Variants in AGTR1 observed in about 807,000 individuals in gnomAD.
AGTR1 encodes the protein type-1 angiotensin II receptor.
Under a neutral mutation model 19.4 loss-of-function variants are expected in AGTR1, and 16 were observed. The observed-to-expected ratio is 0.82, with a 90% CI of 0.56 to 1.25. The LOEUF is 1.25. Among genes scored for constraint, AGTR1 ranks in the 50% most tolerant of loss-of-function variants. AGTR1 has a pLI of 0.00. For missense variants in AGTR1, 373 were observed against 431.9 expected, an observed-to-expected ratio of 0.86 and a Z score of 1.21; for synonymous variants, 153 against 154.9, an observed-to-expected ratio of 0.99 and a Z score of 0.09.
intron 2 of AGTR1, among the ~76,000 whole-genome samples, chr3:148,736,836 A>G (rs1370065341): frequency 6.6e-6 from 1 of 152,228 alleles, no homozygotes; most frequent in Non-Finnish European, 1.5e-5. Context: ...AAATAGGAAA[A>G]GTAGGAAGAG....
intron 2 of AGTR1, among the ~76,000 whole-genome samples, chr3:148,729,559 T>C (rs1411910677): frequency 6.6e-6 from 1 of 152,234 alleles, no homozygotes; most frequent in Admixed American, 6.5e-5. Context: ...TTATTGCTAA[T>C]GAAGTTTTCA....
At chr3:148,717,162 T>A (rs1245974229) in intron 2 of AGTR1, among the ~76,000 whole-genome samples, 1 of 152,144 alleles carries the variant, frequency 6.6e-6, no homozygotes, top group Non-Finnish European at 1.5e-5. Flanking sequence ...ATTGCCTTTG[T>A]ATTGTTGTTG....
rs115123914 is a variant in AGTR1, at chr3:148,730,309, G to C, written c.-47-10680G>C. The C allele has an allele frequency of 1.8e-3, 732 of 397,324 alleles. 7 individuals are homozygous for C. The highest frequency in any genetic ancestry group is 0.013 in the African/African-American group (651 of 48,690). 24.6% of individuals were successfully genotyped at this position (397,324 alleles called of 1,614,324 possible). A position where few individuals can be genotyped will look rare whatever the true frequency, so the allele number is the denominator to read the frequency against. ...TCTTCCCACTGTCTTAACTCTGGTT[G>C]TCACCTGAGCCATTGTGTTTCTTCT... On this transcript the variant is annotated intron_variant, in intron 2 of 2. Transcript: ENST00000349243.
chr3:148,702,779 C>G (rs893364995), intron 1 of AGTR1, among the ~76,000 whole-genome samples: 11 of 152,166 alleles, frequency 7.2e-5, no homozygotes, highest in African/African-American at 2.4e-4. Flanking sequence ...CACGGAGTCA[C>G]TTGCTTGCCT....
chr3:148,735,412 G>T (rs1714520755), intron 2 of AGTR1, among the ~76,000 whole-genome samples: 2 of 152,242 alleles, frequency 1.3e-5, no homozygotes, highest in South Asian at 4.2e-4. Context: ...GTCTTCCCAA[G>T]CAAGTTAATT....
At chr3:148,734,738 A>G (rs929989449) in intron 2 of AGTR1, among the ~76,000 whole-genome samples, 1 of 152,170 alleles carries the variant, frequency 6.6e-6, no homozygotes, top group Non-Finnish European at 1.5e-5. Flanking sequence ...TAAAAGCAAT[A>G]CTTGTCTCTT....
rs12695921 is a variant in AGTR1, at chr3:148,740,058, T to C, written c.-47-931T>C. On this transcript the variant is annotated intron_variant, in intron 2 of 2. Transcript: ENST00000349243. Reference sequence around the variant, plus strand: ...TGATTTTCTAAATCACATAAATGAATAGCTTGACTGTTGATTATGTAGAAA... The same window carrying C: ...TGATTTTCTAAATCACATAAATGAACAGCTTGACTGTTGATTATGTAGAAA... 19,007 of 1,041,846 alleles carry C rather than the reference T, an allele frequency of 0.018. 2,445 individuals carry two copies. In the African/African-American group the frequency reaches 0.28, roughly 15 times the overall value. The allele number at this position is 1,041,846 out of a possible 1,614,324, so 64.5% of individuals were successfully genotyped here.
At chr3:148,701,993 T>TC (rs1303773745) in intron 1 of AGTR1, among the ~76,000 whole-genome samples, 29 of 151,578 alleles carry the variant, frequency 1.9e-4, no homozygotes, top group African/African-American at 6.3e-4. Flanking sequence ...TTTTTTTTTT[T>TC]TTGAGACAGA....
intron 2 of AGTR1, among the ~76,000 whole-genome samples, chr3:148,739,530 A>G (rs530842398): frequency 6.6e-6 from 1 of 152,338 alleles, no homozygotes; most frequent in South Asian, 2.1e-4. Flanking sequence ...AGCTGGATGC[A>G]AAAAGGAACA....
chr3:148,718,582 T>TA (rs1185450766), intron 2 of AGTR1, among the ~76,000 whole-genome samples: 3 of 152,192 alleles, frequency 2.0e-5, no homozygotes, highest in Non-Finnish European at 4.4e-5. Flanking sequence ...TCACCTCTAT[T>TA]ATAACTTTAA....
chr3:148,739,410 A>C (rs947022463), intron 2 of AGTR1, among the ~76,000 whole-genome samples: 1 of 152,116 alleles, frequency 6.6e-6, no homozygotes, highest in African/African-American at 2.4e-5. Flanking sequence ...CAAAGTGCTC[A>C]AAAAAGTTGG....
intron 1 of AGTR1, among the ~76,000 whole-genome samples, chr3:148,699,992 G>A (rs1188698089): frequency 6.6e-6 from 1 of 152,182 alleles, no homozygotes; most frequent in African/African-American, 2.4e-5. Context: ...TTTGCAAAAT[G>A]TCTTTCAGTC....
At chr3:148,734,340 G>A (rs947530313) in intron 2 of AGTR1, among the ~76,000 whole-genome samples, 11 of 152,146 alleles carry the variant, frequency 7.2e-5, no homozygotes, top group African/African-American at 2.2e-4. Flanking sequence ...TGAAACAAGG[G>A]GAGGGCTAGT....
At chr3:148,730,091 T>TCCAACAATGTTTTGCAC in intron 2 of AGTR1, 1 of 395,372 alleles carries the variant, frequency 2.5e-6, no homozygotes. Flanking sequence ...ATTCGGTGTT[T>TCCAACAATGTTTTGCAC]CCAACAATGT....
intron 2 of AGTR1, among the ~76,000 whole-genome samples, chr3:148,720,533 A>G (rs1336793151): frequency 6.6e-6 from 1 of 152,216 alleles, no homozygotes; most frequent in Non-Finnish European, 1.5e-5. Flanking sequence ...GAGTACATAA[A>G]TTATCATCAT....
chr3:148,730,460 C>T (rs990789128), intron 2 of AGTR1: 11 of 360,708 alleles, frequency 3.0e-5, no homozygotes, highest in Non-Finnish European at 5.4e-5. Context: ...TCCTGCTGGG[C>T]ACACTTTACG....
chr3:148,714,093 C>T (rs1713151242), intron 2 of AGTR1, among the ~76,000 whole-genome samples: 2 of 152,156 alleles, frequency 1.3e-5, no homozygotes, highest in African/African-American at 2.4e-5. Context: ...GGTATTCCTA[C>T]TTAGGGCTAC....
At chr3:148,721,206 C>T (rs1183112884) in intron 2 of AGTR1, among the ~76,000 whole-genome samples, 3 of 152,172 alleles carry the variant, frequency 2.0e-5, no homozygotes, top group Non-Finnish European at 2.9e-5. Flanking sequence ...AATGTTCATT[C>T]AGCTCCAGTC....
intron 1 of AGTR1, among the ~76,000 whole-genome samples, chr3:148,702,558 C>G (rs900712399): frequency 1.3e-5 from 2 of 152,142 alleles, no homozygotes; most frequent in East Asian, 3.9e-4. Flanking sequence ...TCTCTAATAG[C>G]CTAATGCTAG....
Sources: gnomAD v4.1 joint callset for allele counts (sites outside exome capture counted in the v4.1 genomes callset) on GRCh38, gnomAD v4.1.1 for gene constraint, MANE v1.5 for transcripts, NCBI Gene and HGNC (gene_info 2026-07-23, HGNC 2026-07-21) for gene names.